The following ENOX1 variants were observed in gnomAD, a reference collection of about 807,000 sequenced individuals.
ENOX1 encodes the protein candidate growth-related and time keeping constitutive hydroquinone (NADH) oxidase.
Under a neutral mutation model 82.5 loss-of-function variants are expected in ENOX1, and 42 were observed. That is an observed-to-expected ratio of 0.51 (90% CI 0.40 to 0.66). The LOEUF (loss-of-function observed/expected upper bound fraction) is 0.66. Ranked by LOEUF, ENOX1 falls within the 30% of genes least tolerant of loss-of-function variation. The pLI, the probability that ENOX1 is intolerant of heterozygous loss-of-function variation, is 0.00. For missense variants in ENOX1, 608 were observed against 811.6 expected (o/e 0.75, Z 3.05); for synonymous variants, 271 against 282.2 (o/e 0.96, Z 0.40).
At position 43,452,076 on chromosome 13, in the gene ENOX1, C is replaced by T. The variant is rs114450811; in HGVS notation, c.-75+31933G>A. On this transcript the variant is annotated intron_variant, in intron 3 of 16. Transcript: ENST00000690772. ...ACACTTACTTTTTCCTTTAACAGTA[C>T]GTATTAAATGCTTCACCACAGCAGG... Among the ~76,000 whole-genome samples the T allele has an allele frequency of 9.7e-3, 1,470 of 152,080 alleles. 20 individuals are homozygous for T. Among genetic ancestry groups the T allele is most frequent in the African/African-American group, 0.033 (1,360 of 41,350 alleles).
chr13:43,680,721 C>G (rs1354254589), intron 1 of ENOX1, among the ~76,000 whole-genome samples: 1 of 152,166 alleles, frequency 6.6e-6, no homozygotes, highest in Non-Finnish European at 1.5e-5. Context: ...AAGAATGATT[C>G]CCAGCACACA....
Position 43,411,904 on chromosome 13 carries a change from G to C in ENOX1, c.208+12C>G. ...CTGCTGCAAGCATCTCTGAAACCAG[G>C]AGAAAGCTTACCAGACACGAGCTGC... On this transcript the variant is annotated intron_variant, in intron 5 of 16. Transcript: ENST00000690772. 1 of 1,614,038 alleles carries C rather than the reference G, an allele frequency of 6.2e-7. No homozygotes were observed. Among genetic ancestry groups the C allele is most frequent in the African/African-American group, 1.3e-5 (1 of 75,034 alleles).
At chr13:43,639,587 T>C (rs549254101) in intron 2 of ENOX1, among the ~76,000 whole-genome samples, 27 of 152,196 alleles carry the variant, frequency 1.8e-4, no homozygotes, top group Non-Finnish European at 2.9e-5. Flanking sequence ...TTGACAATTA[T>C]GCCCTCCCAT....
At chr13:43,338,843 C>G (rs1247258467) in intron 9 of ENOX1, among the ~76,000 whole-genome samples, 11 of 151,802 alleles carry the variant, frequency 7.2e-5, no homozygotes, top group Non-Finnish European at 1.3e-4. Flanking sequence ...CCGCCACTGC[C>G]CCCGGCTAAT....
chr13:43,447,449 GA>G (rs1467942309), intron 3 of ENOX1, among the ~76,000 whole-genome samples: 1 of 152,056 alleles, frequency 6.6e-6, no homozygotes, highest in Non-Finnish European at 1.5e-5. Context: ...CTAGAGTATG[GA>G]AGTCTATCAG....
chr13:43,339,510 C>G (rs12427495), intron 9 of ENOX1, among the ~76,000 whole-genome samples: 32,792 of 152,192 alleles, frequency 0.22, 4,402 homozygotes, highest in East Asian at 0.55. Flanking sequence ...CTAGAAGCTG[C>G]GGAGTGAGCC....
intron 5 of ENOX1, among the ~76,000 whole-genome samples, chr13:43,381,823 A>G (rs1327059039): frequency 6.6e-6 from 1 of 151,978 alleles, no homozygotes; most frequent in Non-Finnish European, 1.5e-5. Context: ...AAAACAAATA[A>G]TCTATATAGC....
chr13:43,611,196 T>A (rs1251160868), intron 2 of ENOX1, among the ~76,000 whole-genome samples: 1 of 152,162 alleles, frequency 6.6e-6, no homozygotes, highest in Non-Finnish European at 1.5e-5. Flanking sequence ...GATGTTCCAA[T>A]GCAAGGTGCC....
At chr13:43,700,475 G>A (rs943068945) in intron 1 of ENOX1, among the ~76,000 whole-genome samples, 2 of 152,126 alleles carry the variant, frequency 1.3e-5, no homozygotes, top group Admixed American at 6.5e-5. Context: ...TGTTTGCACA[G>A]TTATTTTTGA....
At chr13:43,657,835 C>T (rs548051230) in intron 2 of ENOX1, among the ~76,000 whole-genome samples, 5 of 152,184 alleles carry the variant, frequency 3.3e-5, no homozygotes, top group Admixed American at 1.3e-4. Flanking sequence ...TTTATAAATT[C>T]GGGCCTCATT....
chr13:43,597,694 C>T (rs770556585), intron 2 of ENOX1, among the ~76,000 whole-genome samples: 2 of 152,216 alleles, frequency 1.3e-5, no homozygotes, highest in Non-Finnish European at 2.9e-5. Context: ...CACTCTTCTG[C>T]TCAAAACCCT....
rs561055227 is a variant in ENOX1 at position 43,631,500 on chromosome 13, G to A, written c.-219+35979C>T. ...GCTCCGAGAAGAACTGCTAGGAATC[G>A]GGAAACTGAGTCAGATTTGTATGTT... On this transcript the variant is annotated intron_variant, in intron 2 of 16. Transcript: ENST00000690772. Among the ~76,000 whole-genome samples, 38 of 152,238 alleles carry A rather than the reference G, an allele frequency of 2.5e-4. No individual in the cohort carries two copies. The South Asian group carries it at 7.3e-3, about 29-fold the overall frequency.
chr13:43,214,604 C>T (rs1055869611), intron 16 of ENOX1, among the ~76,000 whole-genome samples: 4 of 152,130 alleles, frequency 2.6e-5, no homozygotes, highest in Non-Finnish European at 4.4e-5. Flanking sequence ...TCACATAGAC[C>T]AGAGACCATA....
At chr13:43,596,358 A>G (rs565445044) in intron 2 of ENOX1, among the ~76,000 whole-genome samples, 29 of 152,242 alleles carry the variant, frequency 1.9e-4, no homozygotes, top group South Asian at 1.2e-3. Context: ...AACAATTATC[A>G]TAGGAAATAA....
chr13:43,774,821 TGCCACAA>T (rs1257102983), intron 1 of ENOX1, among the ~76,000 whole-genome samples: 1 of 152,146 alleles, frequency 6.6e-6, no homozygotes, highest in African/African-American at 2.4e-5. Flanking sequence ...TTACCATCCA[TGCCACAA>T]GCCACAAGCA....
intron 1 of ENOX1, among the ~76,000 whole-genome samples, chr13:43,729,355 A>C (rs2089187549): frequency 6.6e-6 from 1 of 152,190 alleles, no homozygotes; most frequent in Non-Finnish European, 1.5e-5. Context: ...AGCTAGGTCT[A>C]GGTAAACGTG....
At chr13:43,398,237 T>C (rs1244816205) in intron 5 of ENOX1, among the ~76,000 whole-genome samples, 1 of 152,254 alleles carries the variant, frequency 6.6e-6, no homozygotes, top group East Asian at 1.9e-4. Flanking sequence ...AACTATGTTT[T>C]AGGTACTTTA....
chr13:43,285,210 C>T (rs1397447076), intron 12 of ENOX1, among the ~76,000 whole-genome samples: 2 of 152,156 alleles, frequency 1.3e-5, no homozygotes, highest in South Asian at 4.1e-4. Flanking sequence ...ATTCCCAATT[C>T]CACACTTTGG....
At chr13:43,252,699 C>T (rs1378306118) in intron 14 of ENOX1, among the ~76,000 whole-genome samples, 1 of 152,148 alleles carries the variant, frequency 6.6e-6, no homozygotes, top group Non-Finnish European at 1.5e-5. Flanking sequence ...AGATTTAAAG[C>T]CACCAGTGTG....
Sources: allele counts gnomAD v4.1 joint callset (sites outside exome capture counted in the v4.1 genomes callset), GRCh38; gene constraint gnomAD v4.1.1; transcripts MANE v1.5; gene names NCBI Gene and HGNC (gene_info 2026-07-23, HGNC 2026-07-21).